The following MAGI2 variants were observed in gnomAD, a reference collection of about 807,000 sequenced individuals.
MAGI2 encodes membrane-associated guanylate kinase, WW and PDZ domain-containing protein 2.
In MAGI2, 35 loss-of-function variants were observed where a neutral mutation model predicts 133.3. The ratio of observed to expected loss-of-function variants is 0.26; its 90% CI spans 0.20 to 0.35. The LOEUF (loss-of-function observed/expected upper bound fraction) is 0.35, where lower values mean the gene tolerates loss of function less well. MAGI2 is among the 10% of genes least tolerant of loss of function. The probability of loss-of-function intolerance (pLI) is 1.00; values close to 1 mark genes in which losing one functional copy is unlikely to be tolerated. For missense variants in MAGI2, 1,636 were observed against 1,863.4 expected (o/e 0.88, Z 2.25); for synonymous variants, 729 against 710.6 (o/e 1.03, Z -0.41).
At chr7:79,002,315 G>A (rs1584636464) in intron 2 of MAGI2, among the ~76,000 whole-genome samples, 1 of 151,480 alleles carries the variant, frequency 6.6e-6, no homozygotes, top group South Asian at 2.1e-4. Flanking sequence ...TGTAGAGATA[G>A]TGTTTTCTTA....
chr7:79,046,256 A>G (rs1812172669), intron 1 of MAGI2, among the ~76,000 whole-genome samples: 2 of 152,172 alleles, frequency 1.3e-5, no homozygotes, highest in Non-Finnish European at 1.5e-5. Context: ...TTACTGTTAA[A>G]TGAGGTCATA....
intron 6 of MAGI2, among the ~76,000 whole-genome samples, chr7:78,432,511 G>A (rs111848096): frequency 0.02 from 3,092 of 151,880 alleles, 46 homozygotes; most frequent in South Asian, 0.073. Context: ...GTCCTAAAAC[G>A]TGTCTTTCTT....
At chr7:78,258,924 G>A (rs1016782328) in intron 9 of MAGI2, among the ~76,000 whole-genome samples, 4 of 152,136 alleles carry the variant, frequency 2.6e-5, no homozygotes, top group Non-Finnish European at 5.9e-5. Context: ...CAGACCATGT[G>A]CATCTTCAAC....
At chr7:78,030,781 G>A (rs761792907) in intron 21 of MAGI2, among the ~76,000 whole-genome samples, 33 of 152,252 alleles carry the variant, frequency 2.2e-4, no homozygotes, top group African/African-American at 7.9e-4. Flanking sequence ...AATGTTGTCC[G>A]GAATAAATGG....
chr7:78,070,308 G>A (rs913951221), intron 21 of MAGI2, among the ~76,000 whole-genome samples: 1 of 147,470 alleles, frequency 6.8e-6, no homozygotes, highest in African/African-American at 2.5e-5. Flanking sequence ...GTGATTTGTG[G>A]AACCTCTCAT....
chr7:79,252,443 G>C (rs1016362130), intron 1 of MAGI2, among the ~76,000 whole-genome samples: 7 of 152,140 alleles, frequency 4.6e-5, no homozygotes, highest in Admixed American at 1.3e-4. Context: ...CAGAGGCTGG[G>C]AAGAATAGTT....
chr7:78,502,335 C>T (rs1584417701), intron 4 of MAGI2, among the ~76,000 whole-genome samples: 1 of 152,100 alleles, frequency 6.6e-6, no homozygotes, highest in Admixed American at 6.5e-5. Context: ...GCTTAGAAGA[C>T]AGAAAATGAC....
At chr7:78,310,223 T>C (rs1028049165) in intron 9 of MAGI2, among the ~76,000 whole-genome samples, 1 of 151,948 alleles carries the variant, frequency 6.6e-6, no homozygotes, top group Non-Finnish European at 1.5e-5. Context: ...GATCATGAGG[T>C]CAAGAGATCG....
chr7:79,235,166 T>G (rs1020397237), intron 1 of MAGI2, among the ~76,000 whole-genome samples: 10 of 152,098 alleles, frequency 6.6e-5, no homozygotes, highest in East Asian at 1.9e-4. Context: ...GATCTCCAGC[T>G]GCGTGTTGGG....
rs374034202 is a variant in MAGI2 at position 79,255,107 on chromosome 7, C to T, written c.301+197913G>A. 1.1e-4 allele frequency among the ~76,000 whole-genome samples: 17 copies of T among 152,142 alleles called. 1 individual carries two copies. The East Asian group carries it at 2.5e-3, about 22-fold the overall frequency. On this transcript the variant is annotated intron_variant, in intron 1 of 21. Transcript: ENST00000354212. Reference sequence around the variant, plus strand: ...TATTCTAATTTTTTATGCCTTTGAACCTTCATTTTTCTATAAACTTGTGAT... The same window carrying T: ...TATTCTAATTTTTTATGCCTTTGAATCTTCATTTTTCTATAAACTTGTGAT...
intron 20 of MAGI2, among the ~76,000 whole-genome samples, chr7:78,103,688 G>T (rs764821389): frequency 1.3e-5 from 2 of 152,180 alleles, no homozygotes; most frequent in Non-Finnish European, 2.9e-5. Flanking sequence ...GTGTCTGTCT[G>T]CATATTCTAG....
intron 2 of MAGI2, among the ~76,000 whole-genome samples, chr7:78,806,190 C>A (rs965359616): frequency 5.3e-5 from 8 of 152,064 alleles, no homozygotes; most frequent in Non-Finnish European, 1.2e-4. Context: ...GCAGAAAAGA[C>A]ATGAGTTCTA....
intron 2 of MAGI2, among the ~76,000 whole-genome samples, chr7:78,677,882 GC>G (rs1815222662): frequency 6.6e-6 from 1 of 152,098 alleles, no homozygotes; most frequent in Non-Finnish European, 1.5e-5. Context: ...GTCTGGGGGA[GC>G]TGTCAGGAGA....
At chr7:78,120,230 G>A (rs1234355143) in intron 20 of MAGI2, among the ~76,000 whole-genome samples, 1 of 151,996 alleles carries the variant, frequency 6.6e-6, no homozygotes, top group East Asian at 1.9e-4. Flanking sequence ...GTGAAACCCC[G>A]TCTCTACTAA....
intron 3 of MAGI2, among the ~76,000 whole-genome samples, chr7:78,584,415 G>A (rs113913099): frequency 0.29 from 31,532 of 108,830 alleles, 4,737 homozygotes; most frequent in Middle Eastern, 0.48. Flanking sequence ...GTGAGACTCC[G>A]TCTCAGAAAA....
At chr7:78,450,403 A>G (rs1448119983) in intron 6 of MAGI2, among the ~76,000 whole-genome samples, 1 of 152,122 alleles carries the variant, frequency 6.6e-6, no homozygotes, top group Non-Finnish European at 1.5e-5. Flanking sequence ...AGTTATTCAT[A>G]TCTTGAAATT....
intron 2 of MAGI2, among the ~76,000 whole-genome samples, chr7:79,005,639 G>T (rs1807359184): frequency 6.6e-6 from 1 of 152,040 alleles, no homozygotes; most frequent in Non-Finnish European, 1.5e-5. Flanking sequence ...ATAATAAACA[G>T]CCTGGTTTCT....
chr7:79,405,038 A>C (rs949490185), intron 1 of MAGI2, among the ~76,000 whole-genome samples: 4 of 152,124 alleles, frequency 2.6e-5, no homozygotes, highest in African/African-American at 9.7e-5. Context: ...GGAGCTGGCC[A>C]TGGACCAAAC....
At chr7:78,639,442 C>T (rs1414883250) in intron 2 of MAGI2, among the ~76,000 whole-genome samples, 1 of 152,026 alleles carries the variant, frequency 6.6e-6, no homozygotes, top group Non-Finnish European at 1.5e-5. Flanking sequence ...AATGAGTACC[C>T]ACTAGGAGCT....
Sources: allele counts gnomAD v4.1 joint callset (sites outside exome capture counted in the v4.1 genomes callset), GRCh38; gene constraint gnomAD v4.1.1; transcripts MANE v1.5; gene names NCBI Gene and HGNC (gene_info 2026-07-23, HGNC 2026-07-21).